Variants in GIPC2 observed in about 807,000 individuals in gnomAD.
GIPC2 encodes PDZ domain-containing protein GIPC2.
In GIPC2, 30 loss-of-function variants were observed where a neutral mutation model predicts 30.6. The observed-to-expected ratio is 0.98, with a 90% confidence interval of 0.73 to 1.33. The LOEUF (loss-of-function observed/expected upper bound fraction) is 1.33. Ranked by LOEUF, GIPC2 falls within the 40% of genes most tolerant of loss-of-function variation. The pLI, the probability that GIPC2 is intolerant of heterozygous loss-of-function variation, is 0.00. For synonymous variants in GIPC2, 167 were observed against 150.0 expected, an observed-to-expected ratio of 1.11 and a Z score of -0.83; for missense variants, 414 against 390.3, an observed-to-expected ratio of 1.06 and a Z score of -0.51.
At chr1:78,108,305 A>G (rs1259158521) in intron 3 of GIPC2, among the ~76,000 whole-genome samples, 1 of 152,228 alleles carries the variant, frequency 6.6e-6, no homozygotes, top group Non-Finnish European at 1.5e-5. Context: ...AGAGATGCAC[A>G]TTAACTTGTG....
chr1:78,084,795 G>A (rs1661896211), intron 2 of GIPC2, among the ~76,000 whole-genome samples: 1 of 152,186 alleles, frequency 6.6e-6, no homozygotes, highest in South Asian at 2.1e-4. Flanking sequence ...TTTGTATCTT[G>A]AAACTTTGCT....
At chr1:78,081,727 T>C (rs1363854816) in intron 2 of GIPC2, among the ~76,000 whole-genome samples, 2 of 152,216 alleles carry the variant, frequency 1.3e-5, no homozygotes, top group Non-Finnish European at 2.9e-5. Context: ...ATAACAACTC[T>C]ATTATTGTAA....
chr1:78,109,158 G>A (rs1662416267), intron 3 of GIPC2, among the ~76,000 whole-genome samples: 1 of 152,208 alleles, frequency 6.6e-6, no homozygotes, highest in South Asian at 2.1e-4. Context: ...TTCATGCAGA[G>A]CAGAAAAGGA....
intron 1 of GIPC2, 21 bp downstream of exon 1, chr1:78,046,355 GC>G: frequency 6.3e-7 from 1 of 1,583,170 alleles, no homozygotes; most frequent in South Asian, 1.1e-5. Flanking sequence ...AGGTGCTCAG[GC>G]TCTCCCGCCT....
At chr1:78,129,366 A>G (rs1335041111) in intron 5 of GIPC2, among the ~76,000 whole-genome samples, 1 of 152,246 alleles carries the variant, frequency 6.6e-6, no homozygotes, top group Non-Finnish European at 1.5e-5. Context: ...TTACTTGTAT[A>G]AATATTCTCA....
intron 2 of GIPC2, among the ~76,000 whole-genome samples, chr1:78,081,869 A>T (rs1439893812): frequency 4.6e-5 from 7 of 152,072 alleles, no homozygotes; most frequent in Non-Finnish European, 8.8e-5. Flanking sequence ...TTGTTGCAGT[A>T]TAAGACATTT....
intron 3 of GIPC2, among the ~76,000 whole-genome samples, chr1:78,104,338 T>C (rs543374802): frequency 6.6e-6 from 1 of 152,226 alleles, no homozygotes; most frequent in South Asian, 2.1e-4. Flanking sequence ...TGAAAACTCT[T>C]ATTTTTCAGA....
At chr1:78,060,774 T>A (rs2102641042) in intron 1 of GIPC2, among the ~76,000 whole-genome samples, 1 of 151,908 alleles carries the variant, frequency 6.6e-6, no homozygotes, top group African/African-American at 2.4e-5. Context: ...TTGTAACCAC[T>A]TTCTTTACTG....
chr1:78,072,639 G>A (rs1206053737), intron 1 of GIPC2, among the ~76,000 whole-genome samples: 1 of 151,950 alleles, frequency 6.6e-6, no homozygotes, highest in African/African-American at 2.4e-5. Context: ...TTAGATGGAG[G>A]TCAAATAATT....
intron 1 of GIPC2, among the ~76,000 whole-genome samples, chr1:78,066,669 G>A (rs1015724151): frequency 7.9e-5 from 12 of 152,214 alleles, no homozygotes; most frequent in African/African-American, 2.9e-4. Context: ...AAAAGAAAAT[G>A]TGGTCCATAT....
chr1:78,064,789 G>A (rs570077416), intron 1 of GIPC2, among the ~76,000 whole-genome samples: 18 of 136,616 alleles, frequency 1.3e-4, no homozygotes, highest in African/African-American at 4.7e-4. Context: ...TGTTGCCCAA[G>A]CTGGAGTGTG....
At chr1:78,076,316 G>A (rs1258107007) in intron 1 of GIPC2, among the ~76,000 whole-genome samples, 8 of 152,176 alleles carry the variant, frequency 5.3e-5, no homozygotes, top group African/African-American at 1.9e-4. Context: ...GGCCCCAAAG[G>A]GCAATAGCTT....
rs147035058 is a variant in GIPC2 at position 78,136,872 on chromosome 1, T to C, written c.*1129T>C. On this transcript the variant is annotated 3_prime_UTR_variant, in exon 6 of 6. Transcript: ENST00000370759. ...AAATGAATGGTTTCAACAAAGATCA[T>C]TTAATACAGCAGAGCATGGCATGAC... is the stretch of plus-strand genomic sequence containing the variant. The C allele has an allele frequency of 1.5e-3, 223 of 152,254 alleles. 2 individuals are homozygous for C. The highest frequency in any genetic ancestry group is 5.1e-3 in the African/African-American group (211 of 41,572). 9.4% of individuals were successfully genotyped at this position (152,254 alleles called of 1,614,324 possible).
chr1:78,054,503 GAC>G (rs1211405748), intron 1 of GIPC2, among the ~76,000 whole-genome samples: 1 of 152,154 alleles, frequency 6.6e-6, no homozygotes, highest in East Asian at 1.9e-4. Flanking sequence ...AAGGATCCCT[GAC>G]ACATATTTTA....
chr1:78,060,212 A>G (rs1661367236), intron 1 of GIPC2, among the ~76,000 whole-genome samples: 1 of 151,598 alleles, frequency 6.6e-6, no homozygotes, highest in African/African-American at 2.4e-5. Context: ...CACAGTGATC[A>G]TCACTTACTG....
chr1:78,050,356 A>G (rs1477104962), intron 1 of GIPC2, among the ~76,000 whole-genome samples: 1 of 152,198 alleles, frequency 6.6e-6, no homozygotes, highest in Non-Finnish European at 1.5e-5. Flanking sequence ...AAAGATGTTG[A>G]TGTGAGACTG....
intron 3 of GIPC2, among the ~76,000 whole-genome samples, chr1:78,110,712 A>G (rs1421393912): frequency 6.6e-6 from 1 of 152,188 alleles, no homozygotes; most frequent in Non-Finnish European, 1.5e-5. Flanking sequence ...AGCCTGGAAC[A>G]CTTTCCTCTC....
intron 3 of GIPC2, among the ~76,000 whole-genome samples, chr1:78,103,236 A>G (rs573725006): frequency 2.0e-5 from 3 of 152,256 alleles, no homozygotes; most frequent in Non-Finnish European, 4.4e-5. Context: ...AAGTAATTCT[A>G]CTAACAATAA....
chr1:78,051,266 A>G (rs1277480245), intron 1 of GIPC2, among the ~76,000 whole-genome samples: 1 of 152,174 alleles, frequency 6.6e-6, no homozygotes, highest in Non-Finnish European at 1.5e-5. Context: ...TTAACAAAAA[A>G]AAGATAAATT....
Sources: allele counts gnomAD v4.1 joint callset (sites outside exome capture counted in the v4.1 genomes callset), GRCh38; gene constraint gnomAD v4.1.1; transcripts MANE v1.5; gene names NCBI Gene and HGNC (gene_info 2026-07-23, HGNC 2026-07-21).